Variants in USP24 observed in about 807,000 individuals in gnomAD.
USP24 encodes the protein ubiquitin specific peptidase 24.
In USP24, 97 loss-of-function variants were observed where a neutral mutation model predicts 361.6. That is an observed-to-expected ratio of 0.27 (90% confidence interval 0.23 to 0.32). USP24 has a LOEUF of 0.32. Among genes scored for constraint, USP24 ranks in the 10% least tolerant of loss-of-function variants. The probability of loss-of-function intolerance (pLI) is 1.00; values close to 1 mark genes in which losing one functional copy is unlikely to be tolerated. For missense variants in USP24, 2,353 were observed against 3,165.6 expected (o/e 0.74, Z 6.16); for synonymous variants, 1,098 against 1,124.6 (o/e 0.98, Z 0.47).
chr1:55,097,534 A>T, intron 48 of USP24, 64 bp downstream of exon 48: 15 of 1,484,024 alleles, frequency 1.0e-5, no homozygotes, highest in Non-Finnish European at 1.3e-5. Flanking sequence ...TTGAAAAAGG[A>T]AAAAAAAAGA....
rs570996742 is a variant in USP24, at chr1:55,098,470, A to C, written c.5453+6T>G. 79 of 1,606,128 alleles carry C rather than the reference A, an allele frequency of 4.9e-5. No individual in the cohort carries two copies. In the East Asian group the frequency reaches 1.3e-3, roughly 27 times the overall value. On this transcript the variant is annotated splice_donor_region_variant and intron_variant, in intron 46 of 67. Transcript: ENST00000294383. ...TTTTTCCTGTGTCGGTGATATCTTC[A>C]CTCACCTGTGAGGACAGTCTTTACA...
intron 1 of USP24, among the ~76,000 whole-genome samples, chr1:55,183,285 G>A (rs1322199858): frequency 6.6e-6 from 1 of 152,130 alleles, no homozygotes; most frequent in Non-Finnish European, 1.5e-5. Flanking sequence ...AAGGGGCATG[G>A]TGTCTGTAAT....
chr1:55,079,793 T>TGAGTACTCTCACAGAGTACTCTCACA lies in USP24; in HGVS notation c.7079-135_7079-134insTGTGAGAGTACTCTGTGAGAGTACTC, dbSNP rs1553143024. ...GTACTCTCACAGAGTACTCACACAC[T>TGAGTACTCTCACAGAGTACTCTCACA]GAGTACTCACACACTGAGTACTCGC... is the stretch of plus-strand genomic sequence containing the variant. On this transcript the variant is annotated intron_variant, in intron 59 of 67. Coordinates refer to ENST00000294383, the MANE Select transcript of USP24 (RefSeq NM_015306.3). The TGAGTACTCTCACAGAGTACTCTCACA allele has an allele frequency of 8.2e-5, 86 of 1,051,362 alleles. 1 individual carries two copies. In the African/African-American group the frequency reaches 1.3e-3, roughly 16 times the overall value. 65.1% of individuals were successfully genotyped at this position (1,051,362 alleles called of 1,614,324 possible). A position where few individuals can be genotyped will look rare whatever the true frequency, so the allele number is the denominator to read the frequency against.
rs1450020960 is a variant in USP24 at position 55,153,855 on chromosome 1, T to C, written c.1860+15A>G. On this transcript the variant is annotated intron_variant, in intron 16 of 67. Transcript: ENST00000294383. ...CTAGTATACCTTTTAGTTGGTTCCA[T>C]CTGCAAATTCTTACCTTGAATCCAT... 1.0e-5 allele frequency: 16 copies of C among 1,549,704 alleles called. No individual in the cohort carries two copies. In the Admixed American group the frequency reaches 3.0e-4, roughly 29 times the overall value.
chr1:55,081,415 A>G lies in USP24; in HGVS notation c.6985T>C (p.Trp2329Arg). ...ASRQNNQIRR[W>R]SSAQAREFGN... ...AATTCTCGTGCTTGTGCTGAACTCC[A>G]TCGACGTATCTGTCATCAGGGAAGA... The change falls in exon 59 of 68, where the codon TGG (tryptophan) becomes CGG (arginine). Residue 2329 changes from tryptophan (W) to arginine (R), a missense_variant. Physicochemically the swap from Trp to Arg is moderately radical, Grantham distance 101. Transcript: ENST00000294383. 1 of 1,613,574 alleles carries G rather than the reference A, an allele frequency of 6.2e-7. No homozygotes were observed. Among genetic ancestry groups the G allele is most frequent in the Non-Finnish European group, 8.5e-7 (1 of 1,179,618 alleles).
Position 55,096,985 on chromosome 1 carries a change from G to T in USP24, c.5903C>A (p.Ala1968Glu). ...GVIVHSGQAH[A>E]GHYYSFIKDR... is the part of the protein sequence containing the mutation. Reference sequence around the variant, plus strand: ...CTTAATGAAGGAATAGTAGTGGCCTGCGTGTGCCTGCCCACTGTGTACGAT... The same window carrying T: ...CTTAATGAAGGAATAGTAGTGGCCTTCGTGTGCCTGCCCACTGTGTACGAT... Residue 1968 changes from alanine (A) to glutamate (E), a missense_variant, in exon 49 of 68, where the codon GCA (alanine) becomes GAA (glutamate). Physicochemically the swap from Ala to Glu is moderately radical, Grantham distance 107. Coordinates refer to ENST00000294383, the MANE Select transcript of USP24 (RefSeq NM_015306.3). 1.2e-6 allele frequency: 2 copies of T among 1,613,846 alleles called. No individual in the cohort carries two copies. Among genetic ancestry groups the T allele is most frequent in the Non-Finnish European group, 1.7e-6 (2 of 1,179,848 alleles).
At chr1:55,208,802 G>A (rs1434502744) in intron 1 of USP24, among the ~76,000 whole-genome samples, 1 of 151,926 alleles carries the variant, frequency 6.6e-6, no homozygotes, top group Non-Finnish European at 1.5e-5. Context: ...AGAGCGTGGT[G>A]GCAGGCGCCT....
intron 1 of USP24, among the ~76,000 whole-genome samples, chr1:55,198,135 A>T (rs6685041): frequency 0.2 from 27,238 of 139,116 alleles, 2,564 homozygotes; most frequent in African/African-American, 0.21. Flanking sequence ...TTTCTTTTTT[A>T]AAAAAATATT....
chr1:55,091,244 G>A lies in USP24; in HGVS notation c.6554+779C>T, dbSNP rs1040335720. Among the ~76,000 whole-genome samples the A allele has an allele frequency of 4.6e-5, 7 of 152,082 alleles. No homozygotes were observed. In the East Asian group the frequency reaches 9.7e-4, roughly 21 times the overall value. On this transcript the variant is annotated intron_variant, in intron 54 of 67. Transcript: ENST00000294383. ...AGCAGGAGGTAAGTGGTGTGCCAGTGAGCATTACAGCCTGAGCTCCACTTC... is the reference window on the plus strand; with the variant it reads ...AGCAGGAGGTAAGTGGTGTGCCAGTAAGCATTACAGCCTGAGCTCCACTTC...
In USP24 at chr1:55,116,570, A is replaced by G. The variant is rs6665835; in HGVS notation, c.4508+4026T>C. ...GCCAACAAATTAACCTAGATGAAGTAGACAAATTCCTAGCAACACAAAACC... is the reference window on the plus strand; with the variant it reads ...GCCAACAAATTAACCTAGATGAAGTGGACAAATTCCTAGCAACACAAAACC... On this transcript the variant is annotated intron_variant, in intron 38 of 67. Transcript: ENST00000294383. 3.1e-3 allele frequency among the ~76,000 whole-genome samples: 467 copies of G among 152,250 alleles called. 4 individuals carry two copies. Among genetic ancestry groups the G allele is most frequent in the African/African-American group, 0.01 (435 of 41,566 alleles).
chr1:55,142,527 G>C (rs1235036076), intron 23 of USP24, among the ~76,000 whole-genome samples: 1 of 152,120 alleles, frequency 6.6e-6, no homozygotes, highest in Non-Finnish European at 1.5e-5. Context: ...ATGGAGTGGG[G>C]AAGACAGGTG....
intron 21 of USP24, among the ~76,000 whole-genome samples, 188 bp downstream of exon 21, chr1:55,143,939 G>A (rs1208917358): frequency 6.6e-6 from 1 of 152,188 alleles, no homozygotes; most frequent in Non-Finnish European, 1.5e-5. Context: ...AGGCATGGTA[G>A]TGCAGGTAGG....
chr1:55,104,402 T>C (rs1324736792), intron 41 of USP24, among the ~76,000 whole-genome samples: 1 of 152,100 alleles, frequency 6.6e-6, no homozygotes, highest in Non-Finnish European at 1.5e-5. Context: ...GATCTTAGGA[T>C]GGCAGCAAAA....
chr1:55,165,745 A>C, intron 7 of USP24, 140 bp downstream of exon 7: 2 of 571,264 alleles, frequency 3.5e-6, no homozygotes, highest in Non-Finnish European at 5.5e-6. Flanking sequence ...TTTGGTTATC[A>C]GGACCGTGGA....
rs1165292844 is a variant in USP24 at position 55,107,854 on chromosome 1, A to AAAAC, written c.4571-425_4571-424insGTTT. 2.8e-4 allele frequency among the ~76,000 whole-genome samples: 42 copies of AAAAC among 148,812 alleles called. 1 individual carries two copies. The highest frequency in any genetic ancestry group is 6.3e-4 in the South Asian group (3 of 4,738). Reference sequence around the variant, plus strand: ...AAGACTCTGTCTCAAAAAAAAAAAAAAAAAAAAAAAAACACACAAAAACCC... The same window carrying AAAAC: ...AAGACTCTGTCTCAAAAAAAAAAAAAAAACAAAAAAAAAAAACACACAAAAACCC... On this transcript the variant is annotated intron_variant, in intron 39 of 67. Coordinates refer to ENST00000294383, the MANE Select transcript of USP24 (RefSeq NM_015306.3).
chr1:55,167,618 A>G (rs920357109), intron 5 of USP24, among the ~76,000 whole-genome samples: 5 of 152,198 alleles, frequency 3.3e-5, no homozygotes, highest in African/African-American at 1.2e-4. Context: ...AGTCAGACAC[A>G]ACCAGTCAGA....
At chr1:55,164,653 C>CCTT (rs1648639039) in intron 7 of USP24, among the ~76,000 whole-genome samples, 4 of 152,006 alleles carry the variant, frequency 2.6e-5, no homozygotes, top group Non-Finnish European at 4.4e-5. Flanking sequence ...CACAATTGTT[C>CCTT]TGAAAAATGG....
chr1:55,198,722 C>T (rs992309890), intron 1 of USP24, among the ~76,000 whole-genome samples: 2 of 152,120 alleles, frequency 1.3e-5, no homozygotes, highest in Non-Finnish European at 2.9e-5. Flanking sequence ...ACCTACAGAT[C>T]CAAGATCTCT....
At chr1:55,176,006 GTCTT>G (rs564024746) in intron 3 of USP24, among the ~76,000 whole-genome samples, 22 of 152,216 alleles carry the variant, frequency 1.4e-4, no homozygotes, top group Admixed American at 2.0e-4. Context: ...AGTGTATACT[GTCTT>G]TCTAAGTGCC....
Sources: gnomAD v4.1 joint callset for allele counts (sites outside exome capture counted in the v4.1 genomes callset) on GRCh38, gnomAD v4.1.1 for gene constraint, MANE v1.5 for transcripts, NCBI Gene and HGNC (gene_info 2026-07-23, HGNC 2026-07-21) for gene names.